Variants in ZNF853 observed in about 807,000 individuals in gnomAD.
The protein encoded by ZNF853 is zinc finger protein 853.
ZNF853 carries 57 observed loss-of-function variants against 94.7 expected under a neutral mutation model. The observed-to-expected ratio is 0.60, with a 90% CI of 0.49 to 0.75. The LOEUF (loss-of-function observed/expected upper bound fraction) is 0.75. Among genes scored for constraint, ZNF853 ranks in the 30% least tolerant of loss-of-function variants. ZNF853 has a pLI of 0.00. For missense variants in ZNF853, 785 were observed against 868.9 expected (o/e 0.90, Z 1.21); for synonymous variants, 448 against 406.3 (o/e 1.10, Z -1.23).
Position 6,622,032 on chromosome 7 carries a change from G to A in ZNF853, c.1041G>A (p.Glu347=). ...GGCAGGAGTTGGAGCGGCAGCAGGA[G>A]CTGGAACGGCAGCAGGAGCAGCGGC... ...QQRQELERQQ[E]LERQQEQRQL... Residue 347 remains glutamate, a synonymous_variant, in exon 3 of 3, where the codon GAG becomes GAA. Transcript: ENST00000457543. 6.5e-7 allele frequency: 1 copy of A among 1,548,954 alleles called. No homozygotes were observed. Among genetic ancestry groups the A allele is most frequent in the South Asian group, 1.2e-5 (1 of 83,964 alleles).
intron 2 of ZNF853, among the ~76,000 whole-genome samples, chr7:6,619,621 A>C: frequency 6.6e-6 from 1 of 152,164 alleles, no homozygotes; most frequent in South Asian, 2.1e-4. Flanking sequence ...GCCAGAAAGC[A>C]AACTTTTATA....
chr7:6,616,256 GC>G, intron 1 of ZNF853, 70 bp downstream of exon 1: 1 of 1,478,302 alleles, frequency 6.8e-7, no homozygotes, highest in Non-Finnish European at 9.2e-7. Context: ...GGACTGGATG[GC>G]ACGAGTCGGC....
At position 6,621,903 on chromosome 7, in the gene ZNF853, G is replaced by A; in HGVS notation, c.912G>A (p.Gln304=). The change falls in exon 3 of 3, where the codon CAG becomes CAA. Residue 304 remains glutamine (Q), a synonymous_variant. Coordinates refer to ENST00000457543, the MANE Select transcript of ZNF853 (RefSeq NM_017560.3). ...LLQQQQEQLQ[Q]QQLQPPPLEP... ...AACAGCAGCAGGAACAATTGCAGCA[G>A]CAACAACTGCAGCCTCCTCCCCTGG... The A allele has an allele frequency of 6.4e-7, 1 of 1,551,080 alleles. No homozygotes were observed.
Position 6,617,146 on chromosome 7 carries a change from A to G in ZNF853, c.13-44A>G. On this transcript the variant is annotated intron_variant, in intron 1 of 2. Coordinates refer to ENST00000457543, the MANE Select transcript of ZNF853 (RefSeq NM_017560.3). Reference sequence around the variant, plus strand: ...GCCTGTGGGCACCTGGCGGGGGTCAAAGCACTCCAGCCTGGCTAAACTGCT... The same window carrying G: ...GCCTGTGGGCACCTGGCGGGGGTCAGAGCACTCCAGCCTGGCTAAACTGCT... 6.7e-6 allele frequency: 10 copies of G among 1,485,860 alleles called. No homozygotes were observed. In the South Asian group the frequency reaches 7.4e-5, roughly 11 times the overall value. 92.0% of individuals were successfully genotyped at this position (1,485,860 alleles called of 1,614,324 possible).
rs1485006846 is a variant in ZNF853, at chr7:6,622,193, A to C, written c.1202A>C (p.Gln401Pro). 5 of 1,539,364 alleles carry C rather than the reference A, an allele frequency of 3.2e-6. No homozygotes were observed. The highest frequency in any genetic ancestry group is 4.4e-6 in the Non-Finnish European group (5 of 1,146,458). ...VELGAQQQEV[Q>P]LELTPVQPEL... ...CTAGGCGCCCAGCAGCAGGAGGTGC[A>C]GCTGGAGCTGACCCCCGTGCAGCCG... Residue 401 changes from glutamine (Q) to proline (P), a missense_variant, in exon 3 of 3, where the codon CAG becomes CCG. By Grantham distance (76) the Gln-to-Pro change is moderately conservative. Transcript: ENST00000457543.
chr7:6,622,702 T>C lies in ZNF853; in HGVS notation c.1711T>C (p.Cys571Arg), dbSNP rs761539764. ...GCACACCGGGGAGCGACCCTACGCC[T>C]GCGGGGACTGTGGCAAGCGCTTCAG... ...RTHTGERPYA[C>R]GDCGKRFSVS... is the part of the protein sequence containing the mutation. The change falls in exon 3 of 3, where the codon TGC (cysteine) becomes CGC (arginine). Residue 571 changes from cysteine (C) to arginine (R), a missense_variant. By Grantham distance (180) the Cys-to-Arg change is radical (BLOSUM62 -3). Coordinates refer to ENST00000457543, the MANE Select transcript of ZNF853 (RefSeq NM_017560.3). 1 of 1,574,664 alleles carries C rather than the reference T, an allele frequency of 6.4e-7. No homozygotes were observed. The highest frequency in any genetic ancestry group is 1.2e-5 in the South Asian group (1 of 86,864).
rs1240049148 is a variant in ZNF853 at position 6,623,510 on chromosome 7, A to G, written c.*539A>G. 2.5e-6 allele frequency: 1 copy of G among 396,504 alleles called. No individual in the cohort carries two copies. The highest frequency in any genetic ancestry group is 3.6e-5 in the East Asian group (1 of 28,018). The allele number at this position is 396,504 out of a possible 1,614,324, so 24.6% of individuals were successfully genotyped here. A position where few individuals can be genotyped will look rare whatever the true frequency, so the allele number is the denominator to read the frequency against. On this transcript the variant is annotated 3_prime_UTR_variant, in exon 3 of 3. Transcript: ENST00000457543. ...ATTTGCCTTGAAAATACTTTCCAAG[A>G]TGAAAATTCATCAGGGTGGGTATAA...
At chr7:6,619,065 A>C in intron 2 of ZNF853, among the ~76,000 whole-genome samples, 1 of 118,566 alleles carries the variant, frequency 8.4e-6, no homozygotes, top group Non-Finnish European at 1.6e-5. Flanking sequence ...TTTGAGACAG[A>C]GTCTCACTCT....
rs1782608251 is a variant in ZNF853 at position 6,621,622 on chromosome 7, TTACAGCAGCAGCAGCTGC to T, written c.636_653del (p.Gln215_Gln220del). On this transcript the variant is annotated inframe_deletion, in exon 3 of 3. Transcript: ENST00000457543. ...GCTGTTACAGCAACAGCAGGAACAGTTACAGCAGCAGCAGCTGCTACAACAGCAGGAACAGTTACAGCA... is the reference window on the plus strand; with the variant it reads ...GCTGTTACAGCAACAGCAGGAACAGTTACAACAGCAGGAACAGTTACAGCA... 3.2e-6 allele frequency: 5 copies of T among 1,548,998 alleles called. No individual in the cohort carries two copies. Among genetic ancestry groups the T allele is most frequent in the Non-Finnish European group, 4.4e-6 (5 of 1,145,306 alleles).
chr7:6,618,333 C>G, intron 2 of ZNF853, among the ~76,000 whole-genome samples: 1 of 151,976 alleles, frequency 6.6e-6, no homozygotes, highest in Non-Finnish European at 1.5e-5. Context: ...ACCCTTCTGA[C>G]TTGTAAATTT....
In ZNF853 at chr7:6,621,200, C is replaced by T. The variant is rs61745889; in HGVS notation, c.209C>T (p.Ser70Leu). ...AGCAGTCCACAGCGGCCAGCAGTCT[C>T]GGCCCCAGTGGGGGCCAGTGAAATC... is the stretch of plus-strand genomic sequence containing the variant. ...RNSSPQRPAV[S>L]APVGASEIAE... The change falls in exon 3 of 3, where the codon TCG becomes TTG. Residue 70 changes from serine to leucine, a missense_variant. By Grantham distance (145) the Ser-to-Leu change is moderately radical. Transcript: ENST00000457543. 1,410 of 1,523,468 alleles carry T rather than the reference C, an allele frequency of 9.3e-4. 13 individuals are homozygous for T. The African/African-American group carries it at 0.017, about 19-fold the overall frequency. The allele number at this position is 1,523,468 out of a possible 1,614,324, so 94.4% of individuals were successfully genotyped here.
chr7:6,616,125 G>A lies in ZNF853; in HGVS notation c.-50G>A, dbSNP rs767597586. 9.8e-6 allele frequency: 15 copies of A among 1,532,448 alleles called. No homozygotes were observed. Among genetic ancestry groups the A allele is most frequent in the Middle Eastern group, 1.8e-4 (1 of 5,588 alleles). 94.9% of individuals were successfully genotyped at this position (1,532,448 alleles called of 1,614,324 possible). A position where few individuals can be genotyped will look rare whatever the true frequency, so the allele number is the denominator to read the frequency against. ...TGCACGCCGTGGCCTTCACCTCGCAGCCTCTGCTGACCACACCTCCCTAGC... is the reference window on the plus strand; with the variant it reads ...TGCACGCCGTGGCCTTCACCTCGCAACCTCTGCTGACCACACCTCCCTAGC... On this transcript the variant is annotated 5_prime_UTR_variant, in exon 1 of 3. Coordinates refer to ENST00000457543, the MANE Select transcript of ZNF853 (RefSeq NM_017560.3).
Position 6,622,916 on chromosome 7 carries a change from C to A in ZNF853, c.1925C>A (p.Pro642Gln). ...TCGCGGCCGGCGGCCCTCGGTGGCC[C>A]AGCCCGCGCGGAGCAGGCCGCTACA... ...RASRPAALGGPARAEQAATAT... is the reference protein window; with the variant it reads ...RASRPAALGGQARAEQAATAT... Residue 642 changes from proline (P) to glutamine (Q), a missense_variant, in exon 3 of 3, where the codon CCA (proline) becomes CAA (glutamine). Coordinates refer to ENST00000457543, the MANE Select transcript of ZNF853 (RefSeq NM_017560.3). 8.0e-7 allele frequency: 1 copy of A among 1,247,786 alleles called. No homozygotes were observed. 77.3% of individuals were successfully genotyped at this position (1,247,786 alleles called of 1,614,324 possible). A position where few individuals can be genotyped will look rare whatever the true frequency, so the allele number is the denominator to read the frequency against.
Position 6,622,653 on chromosome 7 carries a change from G to C in ZNF853, c.1662G>C (p.Ser554=), listed in dbSNP as rs564124701. The change falls in exon 3 of 3, where the codon TCG becomes TCC. Residue 554 remains serine, a synonymous_variant. Transcript: ENST00000457543. The part of the protein sequence containing the change: ...SYCAKRFSES[S]ALVQHQRTHT... ...GCGCCAAGCGCTTCAGCGAGAGCTC[G>C]GCGCTCGTGCAGCACCAGCGCACGC... 1.5e-5 allele frequency: 24 copies of C among 1,577,608 alleles called. No individual in the cohort carries two copies. The highest frequency in any genetic ancestry group is 2.1e-5 in the Non-Finnish European group (24 of 1,163,024).
rs553491940 is a variant in ZNF853, at chr7:6,616,142, C to T, written c.-33C>T. ...ACCTCGCAGCCTCTGCTGACCACAC[C>T]TCCCTAGCGCAGAGGCTGCCCGGGA... is the stretch of plus-strand genomic sequence containing the variant. On this transcript the variant is annotated 5_prime_UTR_variant, in exon 1 of 3. Coordinates refer to ENST00000457543, the MANE Select transcript of ZNF853 (RefSeq NM_017560.3). 1.9e-6 allele frequency: 3 copies of T among 1,544,228 alleles called. No homozygotes were observed. In the African/African-American group the frequency reaches 4.1e-5, roughly 21 times the overall value.
rs2115291484 is a variant in ZNF853, at chr7:6,622,583, A to G, written c.1592A>G (p.His531Arg). 1.9e-6 allele frequency: 3 copies of G among 1,575,474 alleles called. No homozygotes were observed. The highest frequency in any genetic ancestry group is 2.4e-5 in the East Asian group (1 of 42,454). The change falls in exon 3 of 3, where the codon CAC (histidine) becomes CGC (arginine). Residue 531 changes from histidine (H) to arginine (R), a missense_variant. Physicochemically the swap from His to Arg is conservative, Grantham distance 29. Coordinates refer to ENST00000457543, the MANE Select transcript of ZNF853 (RefSeq NM_017560.3). ...TCGCAGCACTCGAATCTGGTGACGC[A>G]CCAACGCATCCACACGGGCGAGAAA... ...GFSQHSNLVT[H>R]QRIHTGEKPY...
intron 2 of ZNF853, among the ~76,000 whole-genome samples, chr7:6,618,488 C>T: frequency 6.6e-6 from 1 of 152,076 alleles, no homozygotes; most frequent in Non-Finnish European, 1.5e-5. Context: ...GCAGGTGGAT[C>T]GCTTGAGCTC....
chr7:6,618,759 G>A, intron 2 of ZNF853, among the ~76,000 whole-genome samples: 1 of 152,110 alleles, frequency 6.6e-6, no homozygotes, highest in South Asian at 2.1e-4. Context: ...GGGAGTCAGA[G>A]TGGCCTGTGG....
rs1458686973 is a variant in ZNF853, at chr7:6,622,881, G to A, written c.1890G>A (p.Leu630=). The change falls in exon 3 of 3, where the codon CTG becomes CTA. Residue 630 remains leucine, a synonymous_variant. Transcript: ENST00000457543. The stretch of plus-strand genomic sequence containing the variant: ...CGGGCCGCTCCAGGGGCCTCGGCCT[G>A]CTGCGCGCCTCGCGGCCGGCGGCCC... The part of the protein sequence containing the change: ...HGAGRSRGLG[L]LRASRPAALG... The A allele has an allele frequency of 1.5e-6, 2 of 1,294,652 alleles. No homozygotes were observed. Among genetic ancestry groups the A allele is most frequent in the Non-Finnish European group, 2.0e-6 (2 of 1,023,510 alleles). 80.2% of individuals were successfully genotyped at this position (1,294,652 alleles called of 1,614,324 possible).
Sources: gnomAD v4.1 joint callset for allele counts (sites outside exome capture counted in the v4.1 genomes callset) on GRCh38, gnomAD v4.1.1 for gene constraint, MANE v1.5 for transcripts, NCBI Gene and HGNC (gene_info 2026-07-23, HGNC 2026-07-21) for gene names.